Variants in GNAT2 observed in about 807,000 individuals in gnomAD.
GNAT2 encodes guanine nucleotide-binding protein G(t) subunit alpha-2.
GNAT2 carries 32 observed loss-of-function variants against 40.9 expected under a neutral mutation model. That is an observed-to-expected ratio of 0.78 (90% CI 0.59 to 1.05). The LOEUF (loss-of-function observed/expected upper bound fraction) is 1.05, where lower values mean the gene tolerates loss of function less well. Ranked by LOEUF, GNAT2 falls within the 50% of genes least tolerant of loss-of-function variation. The probability of loss-of-function intolerance (pLI) is 0.00; values close to 1 mark genes in which losing one functional copy is unlikely to be tolerated. For missense variants in GNAT2, 355 were observed against 431.5 expected (o/e 0.82, Z 1.57); for synonymous variants, 141 against 157.2 (o/e 0.90, Z 0.77).
chr1:109,603,679 A>T, intron 8 of GNAT2, 135 bp from the exon 9 acceptor site: 2 of 721,860 alleles, frequency 2.8e-6, no homozygotes, highest in Non-Finnish European at 5.0e-6. Context: ...TGGAGGGAAG[A>T]TTCTCTATTG....
At chr1:109,605,727 T>C (rs1649571907) in intron 7 of GNAT2, 1 of 473,950 alleles carries the variant, frequency 2.1e-6, no homozygotes, top group South Asian at 2.0e-5. Context: ...GTCCAAGTGA[T>C]ACTTAGATGT....
At chr1:109,613,245 A>G (rs1649855401) in intron 1 of GNAT2, 3 of 327,022 alleles carry the variant, frequency 9.2e-6, no homozygotes, top group South Asian at 7.8e-5. Context: ...GACTACTTCC[A>G]TCCTTTAAGG....
At chr1:109,614,082 G>A (rs1649880237) in intron 1 of GNAT2, 1 of 152,216 alleles carries the variant, frequency 6.6e-6, no homozygotes, top group South Asian at 2.1e-4. Context: ...AGGTGGAGAT[G>A]TTTTAGAATT....
chr1:109,615,545 G>A (rs915114666), intron 1 of GNAT2: 3 of 149,534 alleles, frequency 2.0e-5, no homozygotes, highest in African/African-American at 7.4e-5. Flanking sequence ...TGAGGCAGGA[G>A]AATCACTTGA....
intron 5 of GNAT2, chr1:109,607,743 TG>T (rs1170591074): frequency 6.6e-6 from 1 of 152,242 alleles, no homozygotes; most frequent in Non-Finnish European, 1.5e-5. Context: ...TACATGACCT[TG>T]GGCAGTTAAT....
chr1:109,612,826 C>T lies in GNAT2; in HGVS notation c.45G>A (p.Arg15=). The part of the protein sequence containing the change: ...ASAEDKELAK[R]SKELEKKLQE... ...GCAGCTTCTTTTCTAGCTCCTTGGA[C>T]CTCTTGGCCAGTTCTTTGTCCTCAG... Residue 15 remains arginine, a synonymous_variant, in exon 2 of 9, where the codon AGG becomes AGA. Transcript: ENST00000679935. The T allele has an allele frequency of 6.2e-7, 1 of 1,613,750 alleles. No homozygotes were observed. Among genetic ancestry groups the T allele is most frequent in the Non-Finnish European group, 8.5e-7 (1 of 1,179,700 alleles).
At chr1:109,606,461 T>C (rs757329539) in intron 5 of GNAT2, 25 bp from the exon 6 acceptor site, 3 of 1,609,702 alleles carry the variant, frequency 1.9e-6, no homozygotes, top group South Asian at 2.2e-5. Context: ...TTAGCATCAA[T>C]GACAAATTTT....
At chr1:109,606,233 C>T in intron 6 of GNAT2, 75 bp downstream of exon 6, 1 of 1,577,930 alleles carries the variant, frequency 6.3e-7, no homozygotes, top group Non-Finnish European at 8.7e-7. Context: ...TCACCAAAGG[C>T]CAAGAAGCCT....
chr1:109,609,022 G>C (rs1487734136), intron 4 of GNAT2: 1 of 561,280 alleles, frequency 1.8e-6, no homozygotes. Context: ...CGGGGCAGGG[G>C]TCCCAGGTAT....
intron 2 of GNAT2, chr1:109,612,437 C>T (rs1649825144): frequency 2.6e-6 from 1 of 380,690 alleles, no homozygotes; most frequent in Non-Finnish European, 5.0e-6. Context: ...AGTCCAGGGT[C>T]CTTGAAGCCA....
At position 109,603,519 on chromosome 1, in the gene GNAT2, C is replaced by G. The variant is rs1315297448; in HGVS notation, c.900G>C (p.Gly300=). The G allele has an allele frequency of 2.5e-6, 4 of 1,610,268 alleles. No individual in the cohort carries two copies. In the Admixed American group the frequency reaches 5.0e-5, roughly 20 times the overall value. The change falls in exon 9 of 9, where the codon GGG becomes GGC. Residue 300 remains glycine (G), a synonymous_variant. Coordinates refer to ENST00000679935, the MANE Select transcript of GNAT2 (RefSeq NM_001377295.2). ...CAAGGAACTGGCTCTTTATGTAATT[C>G]CCCGCATCATCATAGGAGTTGTTAC... ...YDGNNSYDDA[G]NYIKSQFLDL...
intron 3 of GNAT2, 97 bp downstream of exon 3, chr1:109,610,368 C>A (rs1649758713): frequency 1.6e-6 from 2 of 1,289,624 alleles, no homozygotes; most frequent in South Asian, 1.2e-5. Flanking sequence ...TATACCTGGG[C>A]TCCTTGAGGC....
intron 2 of GNAT2, chr1:109,612,058 G>A (rs1471433692): frequency 1.3e-5 from 2 of 153,048 alleles, no homozygotes; most frequent in Non-Finnish European, 2.9e-5. Context: ...ATTTACAGCT[G>A]TGATCAATTT....
chr1:109,618,940 G>A (rs775465430), intron 1 of GNAT2, among the ~76,000 whole-genome samples: 3 of 152,180 alleles, frequency 2.0e-5, no homozygotes, highest in Non-Finnish European at 2.9e-5. Flanking sequence ...ACTGGGAGGA[G>A]CCAGACAAAC....
intron 1 of GNAT2, 55 bp downstream of exon 1, chr1:109,619,428 A>G (rs1650060956): frequency 6.6e-6 from 1 of 152,264 alleles, no homozygotes; most frequent in African/African-American, 2.4e-5. Flanking sequence ...GCTCTTAACC[A>G]CCAAATACAG....
Position 109,610,044 on chromosome 1 carries a change from C to A in GNAT2, c.299G>T (p.Cys100Phe). Residue 100 changes from cysteine (C) to phenylalanine (F), a missense_variant, in exon 4 of 9, where the codon TGT (cysteine) becomes TTT (phenylalanine). Cys to Phe is a radical substitution (Grantham distance 205). Coordinates refer to ENST00000679935, the MANE Select transcript of GNAT2 (RefSeq NM_001377295.2). ...CACATAATAGTAATCACATACCGCA[C>A]AGCTTGGTTCAGCATAATCGATGCC... ...TLGIDYAEPS[C>F]ADDGRQLNNL... 6.2e-7 allele frequency: 1 copy of A among 1,614,086 alleles called. No individual in the cohort carries two copies. The highest frequency in any genetic ancestry group is 2.2e-5 in the East Asian group (1 of 44,886).
At chr1:109,610,731 C>T (rs948548940) in intron 2 of GNAT2, 1 of 608,132 alleles carries the variant, frequency 1.6e-6, no homozygotes, top group South Asian at 1.9e-5. Context: ...TGGGCTGTCT[C>T]ATGCATGGTA....
chr1:109,606,903 A>G (rs1429864936), intron 5 of GNAT2: 1 of 193,292 alleles, frequency 5.2e-6, no homozygotes, highest in Non-Finnish European at 1.1e-5. Flanking sequence ...ATTTGATGCT[A>G]TTAAGGAATT....
intron 1 of GNAT2, chr1:109,615,620 A>AAAAAAAAAAG (rs1553227375): frequency 3.2e-5 from 4 of 126,812 alleles, no homozygotes; most frequent in Admixed American, 8.9e-5. Context: ...AAAAAAAAAA[A>AAAAAAAAAAG]AAAAGAAAAG....
Sources: allele counts gnomAD v4.1 joint callset (sites outside exome capture counted in the v4.1 genomes callset), GRCh38; gene constraint gnomAD v4.1.1; transcripts MANE v1.5; gene names NCBI Gene and HGNC (gene_info 2026-07-23, HGNC 2026-07-21).